Variants in SAMMSON observed in about 807,000 individuals in gnomAD.
SAMMSON encodes survival associated mitochondrial melanoma specific oncogenic non-coding RNA.
intron 4 of SAMMSON, chr3:70,125,504 T>A (rs940241960): frequency 2.8e-6 from 2 of 719,072 alleles, no homozygotes; most frequent in Admixed American, 2.2e-5. Flanking sequence ...TTCTGTGATG[T>A]TCAAATTAGG....
At chr3:70,009,178 C>T (rs2066942950) in intron 1 of SAMMSON, 1 of 152,146 alleles carries the variant, frequency 6.6e-6, no homozygotes, top group Non-Finnish European at 1.5e-5. Context: ...AGGATTCCCT[C>T]TTTTTCTATT....
intron 4 of SAMMSON, among the ~76,000 whole-genome samples, chr3:70,153,416 A>C (rs2067579562): frequency 6.6e-6 from 1 of 151,962 alleles, no homozygotes; most frequent in South Asian, 2.1e-4. Flanking sequence ...CATTCTCTAT[A>C]GCTCCAGCTC....
chr3:70,150,942 A>C (rs1470145998), intron 4 of SAMMSON, among the ~76,000 whole-genome samples: 1 of 152,090 alleles, frequency 6.6e-6, no homozygotes, highest in Non-Finnish European at 1.5e-5. Flanking sequence ...ATACTAAAAA[A>C]TGTGACATTC....
intron 4 of SAMMSON, among the ~76,000 whole-genome samples, chr3:70,153,686 A>T (rs1164277673): frequency 1.3e-5 from 2 of 152,032 alleles, no homozygotes; most frequent in African/African-American, 4.8e-5. Flanking sequence ...AACTCTCAAC[A>T]TTCTTTTTAC....
At chr3:70,190,973 A>G (rs1171945177) in intron 4 of SAMMSON, among the ~76,000 whole-genome samples, 5 of 152,204 alleles carry the variant, frequency 3.3e-5, no homozygotes, top group East Asian at 1.9e-4. Context: ...GGCCCCTAGT[A>G]TTGCCAACTA....
intron 1 of SAMMSON, among the ~76,000 whole-genome samples, chr3:70,005,134 T>A (rs2066921792): frequency 6.6e-6 from 1 of 152,174 alleles, no homozygotes; most frequent in Non-Finnish European, 1.5e-5. Context: ...GAGATAATCC[T>A]GGGCCAATAG....
intron 3 of SAMMSON, among the ~76,000 whole-genome samples, chr3:70,033,484 G>A (rs1317473497): frequency 6.6e-6 from 1 of 152,164 alleles, no homozygotes; most frequent in East Asian, 1.9e-4. Context: ...AGAGTATGCT[G>A]GCCAGTGGGA....
chr3:70,313,217 A>C (rs532066664), intron 7 of SAMMSON, among the ~76,000 whole-genome samples: 2 of 152,286 alleles, frequency 1.3e-5, no homozygotes, highest in East Asian at 3.9e-4. Flanking sequence ...TAATCCCAGC[A>C]CTTTGAGGAG....
At chr3:70,220,111 T>A (rs1446252351) in intron 4 of SAMMSON, among the ~76,000 whole-genome samples, 2 of 152,058 alleles carry the variant, frequency 1.3e-5, no homozygotes, top group Non-Finnish European at 2.9e-5. Context: ...TGGCCTCAAA[T>A]TTTTTTTGTA....
chr3:70,213,932 C>G (rs1011479807), intron 4 of SAMMSON, among the ~76,000 whole-genome samples: 5 of 151,986 alleles, frequency 3.3e-5, no homozygotes, highest in African/African-American at 1.2e-4. Context: ...GATTTCTTGA[C>G]ATTGAGAAAA....
In SAMMSON at chr3:70,242,257, T is replaced by C. The variant is rs920964700; in HGVS notation, n.508-6850T>C. Among the ~76,000 whole-genome samples, 4 of 152,306 alleles carry C rather than the reference T, an allele frequency of 2.6e-5. No homozygotes were observed. The East Asian group carries it at 7.7e-4, about 29-fold the overall frequency. ...TCATATGCCTCCAATTAATCTCCCC[T>C]AAAATCAAGTTGGCTCTGATAACAT... is the stretch of plus-strand genomic sequence containing the variant. On this transcript the variant is annotated intron_variant and non_coding_transcript_variant, in intron 4 of 9. Transcript: ENST00000642114.
intron 3 of SAMMSON, among the ~76,000 whole-genome samples, chr3:70,051,190 A>T (rs553534437): frequency 5.7e-4 from 85 of 148,936 alleles, no homozygotes; most frequent in African/African-American, 2.0e-3. Flanking sequence ...AGATTGTTAG[A>T]GAAGGTAAAA....
intron 4 of SAMMSON, among the ~76,000 whole-genome samples, chr3:70,073,299 G>A (rs1227549582): frequency 1.5e-4 from 23 of 152,044 alleles, no homozygotes; most frequent in Admixed American, 7.9e-4. Flanking sequence ...TTGAGCCCAT[G>A]TATAGAAGAG....
At chr3:70,410,572 G>T (rs183907232) in intron 2 of SAMMSON, among the ~76,000 whole-genome samples, 1 of 152,150 alleles carries the variant, frequency 6.6e-6, no homozygotes. Flanking sequence ...ATTAATGAAG[G>T]CTAAATATAT....
chr3:70,104,873 C>T (rs2067361129), intron 4 of SAMMSON, among the ~76,000 whole-genome samples: 1 of 152,142 alleles, frequency 6.6e-6, no homozygotes, highest in Non-Finnish European at 1.5e-5. Flanking sequence ...TTTTAGGATT[C>T]TGTTCCCTTC....
intron 9 of SAMMSON, among the ~76,000 whole-genome samples, chr3:70,365,970 CTTTTTT>C (rs1193657961): frequency 1.1e-4 from 3 of 27,768 alleles, no homozygotes; most frequent in African/African-American, 2.7e-4. Flanking sequence ...TTTACCTTTT[CTTTTTT>C]TTTTTTTTTT....
intron 7 of SAMMSON, among the ~76,000 whole-genome samples, chr3:70,292,351 A>G (rs1702246854): frequency 1.3e-5 from 2 of 152,284 alleles, no homozygotes; most frequent in South Asian, 2.1e-4. Context: ...TACTATACAT[A>G]TCTTGTTGGC....
intron 6 of SAMMSON, among the ~76,000 whole-genome samples, chr3:70,256,309 G>A (rs1177551462): frequency 2.0e-5 from 3 of 152,124 alleles, no homozygotes; most frequent in South Asian, 2.1e-4. Flanking sequence ...AAATGTACTC[G>A]TTATGTGAAA....
At chr3:70,115,090 G>A (rs558357448) in intron 4 of SAMMSON, among the ~76,000 whole-genome samples, 5 of 151,122 alleles carry the variant, frequency 3.3e-5, no homozygotes, top group African/African-American at 1.2e-4. Flanking sequence ...TTATTCATTA[G>A]AATAATTCAC....
Sources: allele counts gnomAD v4.1 joint callset (sites outside exome capture counted in the v4.1 genomes callset), GRCh38; gene constraint gnomAD v4.1.1; transcripts MANE v1.5; gene names NCBI Gene and HGNC (gene_info 2026-07-23, HGNC 2026-07-21).